NEURL1B: variants seen among roughly 807,000 people sequenced by gnomAD.
NEURL1B encodes neuralized E3 ubiquitin protein ligase 1B.
A neutral mutation model predicts 37.4 loss-of-function variants in NEURL1B; 13 were observed. The observed-to-expected ratio is 0.35, with a 90% CI of 0.23 to 0.55. NEURL1B has a LOEUF of 0.55. Ranked by LOEUF, NEURL1B falls within the 20% of genes least tolerant of loss-of-function variation. The pLI is 0.89. For synonymous variants in NEURL1B, 432 were observed against 426.6 expected, an observed-to-expected ratio of 1.01 and a Z score of -0.16; for missense variants, 790 against 879.2, an observed-to-expected ratio of 0.90 and a Z score of 1.28.
intron 2 of NEURL1B, among the ~76,000 whole-genome samples, chr5:172,674,972 C>T (rs1434348729): frequency 6.6e-6 from 1 of 152,144 alleles, no homozygotes; most frequent in African/African-American, 2.4e-5. Flanking sequence ...CAGGTTTAAG[C>T]TATTCTTCTG....
chr5:172,689,039 G>C lies in NEURL1B; in HGVS notation c.*2114G>C, dbSNP rs768104835. On this transcript the variant is annotated 3_prime_UTR_variant, in exon 5 of 5. Transcript: ENST00000369800. ...CCGGGGTCACGTCCAGCCTCCACTGGGAAACCAGTGACTGAGGCCTGGACC... is the reference window on the plus strand; with the variant it reads ...CCGGGGTCACGTCCAGCCTCCACTGCGAAACCAGTGACTGAGGCCTGGACC... The C allele has an allele frequency of 4.6e-5, 7 of 152,252 alleles. No homozygotes were observed. The highest frequency in any genetic ancestry group is 1.7e-4 in the African/African-American group (7 of 41,458). 9.4% of individuals were successfully genotyped at this position (152,252 alleles called of 1,614,324 possible).
rs1264908427 is a variant in NEURL1B, at chr5:172,686,674, T to G, written c.1424-7T>G. On this transcript the variant is annotated splice_region_variant and splice_polypyrimidine_tract_variant and intron_variant, in intron 4 of 4. Coordinates refer to ENST00000369800, the MANE Select transcript of NEURL1B (RefSeq NM_001142651.3). This position sits in a 1 kb window ranked among gnomAD's most constrained non-coding sequence, Gnocchi z 7.9. ...GTTAACATATGTCCTCTTCTCCCTT[T>G]CGGCAGTGACGGCCCCCAGCTCCCC... The G allele has an allele frequency of 6.5e-7, 1 of 1,548,276 alleles. No homozygotes were observed.
chr5:172,673,615 T>A (rs1015924242), intron 2 of NEURL1B, among the ~76,000 whole-genome samples: 1 of 152,114 alleles, frequency 6.6e-6, no homozygotes, highest in Non-Finnish European at 1.5e-5. Context: ...AAAGTTTTTT[T>A]GACACAGGGT....
chr5:172,663,539 A>AAAAAG (rs1757944679), intron 1 of NEURL1B, among the ~76,000 whole-genome samples: 1 of 143,310 alleles, frequency 7.0e-6, no homozygotes, highest in Non-Finnish European at 1.5e-5. Flanking sequence ...AAAAAAAAAA[A>AAAAAG]AAAGCCATGG....
Position 172,676,230 on chromosome 5 carries a change from C to T in NEURL1B, c.577+5900C>T, listed in dbSNP as rs542520637. On this transcript the variant is annotated intron_variant, in intron 2 of 4. Transcript: ENST00000369800. The surrounding 1 kb of genome is among the most constrained non-coding windows in gnomAD (Gnocchi z 4.5). ...TGGGAATGGTTGCCTTTAAGCCTGG[C>T]TCAATGCGGGGACCCAAAGAACTGC... Among the ~76,000 whole-genome samples the T allele has an allele frequency of 7.2e-5, 11 of 152,006 alleles. No homozygotes were observed. In the South Asian group the frequency reaches 1.0e-3, roughly 14 times the overall value.
chr5:172,686,238 T>C lies in NEURL1B; in HGVS notation c.1365T>C (p.Ser455=). 1 of 1,551,680 alleles carries C rather than the reference T, an allele frequency of 6.4e-7. No individual in the cohort carries two copies. The highest frequency in any genetic ancestry group is 8.7e-7 in the Non-Finnish European group (1 of 1,146,972). Residue 455 remains serine (S), a synonymous_variant, in exon 4 of 5, where the codon AGT becomes AGC. Coordinates refer to ENST00000369800, the MANE Select transcript of NEURL1B (RefSeq NM_001142651.3). This position sits in a 1 kb window ranked among gnomAD's most constrained non-coding sequence, Gnocchi z 7.9. ...SGSLSGSQDD[S]DSDMTFSVNQ... is the part of the protein sequence containing the mutation. Reference sequence around the variant, plus strand: ...CCCTCAGCGGCTCCCAGGACGATAGTGATTCAGATATGACCTTCAGTGTCA... The same window carrying C: ...CCCTCAGCGGCTCCCAGGACGATAGCGATTCAGATATGACCTTCAGTGTCA...
intron 2 of NEURL1B, among the ~76,000 whole-genome samples, chr5:172,682,378 C>T (rs1444243616): frequency 6.6e-6 from 1 of 152,174 alleles, no homozygotes; most frequent in African/African-American, 2.4e-5. Context: ...AGTTCAGGAC[C>T]AGCCTGGCCA....
intron 2 of NEURL1B, among the ~76,000 whole-genome samples, chr5:172,677,579 G>C (rs1454066597): frequency 6.6e-6 from 1 of 152,196 alleles, no homozygotes; most frequent in East Asian, 1.9e-4. Context: ...GTGGCGCACA[G>C]ACCCAGGTCA....
At chr5:172,652,949 C>A (rs898035815) in intron 1 of NEURL1B, among the ~76,000 whole-genome samples, 1 of 152,118 alleles carries the variant, frequency 6.6e-6, no homozygotes, top group Non-Finnish European at 1.5e-5. Flanking sequence ...TTTCTTGACT[C>A]AGATGTGATG....
intron 2 of NEURL1B, among the ~76,000 whole-genome samples, chr5:172,671,128 T>C (rs1321030521): frequency 2.0e-5 from 3 of 152,206 alleles, no homozygotes; most frequent in Non-Finnish European, 4.4e-5. Flanking sequence ...CCATCACCTC[T>C]ATCCAGTTCT....
At chr5:172,674,508 G>A (rs1561649727) in intron 2 of NEURL1B, among the ~76,000 whole-genome samples, 2 of 152,034 alleles carry the variant, frequency 1.3e-5, no homozygotes, top group South Asian at 2.1e-4. Flanking sequence ...AGACTGCTGC[G>A]GCAGTATTTA....
At chr5:172,668,816 G>A (rs1758064464) in intron 1 of NEURL1B, among the ~76,000 whole-genome samples, 1 of 152,194 alleles carries the variant, frequency 6.6e-6, no homozygotes, top group Admixed American at 6.5e-5. Flanking sequence ...AGGAAAGGCA[G>A]GGGGAGAGGA....
At chr5:172,646,570 A>G (rs1412894606) in intron 1 of NEURL1B, among the ~76,000 whole-genome samples, 1 of 152,148 alleles carries the variant, frequency 6.6e-6, no homozygotes, top group Non-Finnish European at 1.5e-5. Context: ...GATTTCTGCT[A>G]AGAAGGATAT....
chr5:172,682,402 C>A (rs1422378593), intron 2 of NEURL1B, among the ~76,000 whole-genome samples: 5 of 152,168 alleles, frequency 3.3e-5, no homozygotes, highest in Non-Finnish European at 5.9e-5. Flanking sequence ...TGGCAAAGCT[C>A]CGTCTCTACT....
chr5:172,660,584 A>T (rs568392638), intron 1 of NEURL1B, among the ~76,000 whole-genome samples: 2 of 152,288 alleles, frequency 1.3e-5, no homozygotes, highest in South Asian at 4.1e-4. Flanking sequence ...CTGTCTCCTG[A>T]GTGCCTGTCA....
rs1365552926 is a variant in NEURL1B, at chr5:172,691,069, C to T, written c.*4144C>T. 6.6e-6 allele frequency: 1 copy of T among 152,204 alleles called. No individual in the cohort carries two copies. The highest frequency in any genetic ancestry group is 1.5e-5 in the Non-Finnish European group (1 of 68,042). 9.4% of individuals were successfully genotyped at this position (152,204 alleles called of 1,614,324 possible). On this transcript the variant is annotated 3_prime_UTR_variant, in exon 5 of 5. Coordinates refer to ENST00000369800, the MANE Select transcript of NEURL1B (RefSeq NM_001142651.3). ...CTGTCTCGCTGTCTTATCCGAGTCC[C>T]TAATGAAACGACTTGTGTGACAATC...
chr5:172,642,094 G>A (rs1298422414), intron 1 of NEURL1B, among the ~76,000 whole-genome samples: 1 of 152,254 alleles, frequency 6.6e-6, no homozygotes, highest in Non-Finnish European at 1.5e-5. Flanking sequence ...GCAGGTTAAC[G>A]GGGTAGGAGG....
chr5:172,674,640 C>G lies in NEURL1B; in HGVS notation c.577+4310C>G, dbSNP rs79716009. Among the ~76,000 whole-genome samples, 1,379 of 152,280 alleles carry G rather than the reference C, an allele frequency of 9.1e-3. 20 individuals are homozygous for G. Among genetic ancestry groups the G allele is most frequent in the African/African-American group, 0.031 (1,296 of 41,534 alleles). On this transcript the variant is annotated intron_variant, in intron 2 of 4. Coordinates refer to ENST00000369800, the MANE Select transcript of NEURL1B (RefSeq NM_001142651.3). The stretch of plus-strand genomic sequence containing the variant: ...GTTAGGATTTCTTAAGGGCCCCCAG[C>G]TGCTGCCAGGGTTGTGCTAACGATT...
chr5:172,653,436 T>C (rs942368000), intron 1 of NEURL1B, among the ~76,000 whole-genome samples: 1 of 152,228 alleles, frequency 6.6e-6, no homozygotes, highest in African/African-American at 2.4e-5. Context: ...TAATTTTTAA[T>C]GTCTGACCAT....
Sources: allele counts gnomAD v4.1 joint callset (sites outside exome capture counted in the v4.1 genomes callset), GRCh38; gene constraint gnomAD v4.1.1; non-coding constraint Gnocchi (gnomAD v3.1); transcripts MANE v1.5; gene names NCBI Gene and HGNC (gene_info 2026-07-23, HGNC 2026-07-21).